The following SORBS2 variants were observed in gnomAD, a reference collection of about 807,000 sequenced individuals.
The protein encoded by SORBS2 is sorbin and SH3 domain-containing protein 2.
Under a neutral mutation model 97.7 loss-of-function variants are expected in SORBS2, and 46 were observed. The observed-to-expected ratio is 0.47, with a 90% CI of 0.37 to 0.60. The LOEUF (loss-of-function observed/expected upper bound fraction) is 0.60, where lower values mean the gene tolerates loss of function less well. Among genes scored for constraint, SORBS2 ranks in the 20% least tolerant of loss-of-function variants. SORBS2 has a pLI of 0.00. For synonymous variants in SORBS2, 476 were observed against 473.4 expected (o/e 1.01, Z -0.07); for missense variants, 1,316 against 1,282.3 (o/e 1.03, Z -0.40).
chr4:185,755,551 G>A (rs2098825651), intron 2 of SORBS2, among the ~76,000 whole-genome samples: 1 of 152,174 alleles, frequency 6.6e-6, no homozygotes, highest in Admixed American at 6.5e-5. Context: ...ATCAGATCCT[G>A]AATCCTGCCA....
chr4:185,732,031 C>T (rs77983688), intron 2 of SORBS2, among the ~76,000 whole-genome samples: 3,325 of 151,606 alleles, frequency 0.022, 127 homozygotes, highest in African/African-American at 0.077. Context: ...GATGTCTGTG[C>T]TCCAATATCT....
chr4:185,698,358 C>T lies in SORBS2; in HGVS notation c.-197-19536G>A, dbSNP rs573294680. ...GGGCATGGTGGCACATGCCTGTAGT[C>T]CCAGCTACGTGGGAGGCTGAGGCAG... On this transcript the variant is annotated intron_variant, in intron 2 of 20. Coordinates refer to the SORBS2 transcript ENST00000284776. 5.3e-5 allele frequency among the ~76,000 whole-genome samples: 8 copies of T among 152,228 alleles called. No homozygotes were observed. The South Asian group carries it at 1.7e-3, about 32-fold the overall frequency.
chr4:185,733,848 C>T (rs2098663351), intron 2 of SORBS2: 2 of 152,174 alleles, frequency 1.3e-5, no homozygotes, highest in African/African-American at 4.8e-5. Context: ...TTCCCCTGCC[C>T]TCTTGCAAAT....
At chr4:185,904,688 G>A (rs373577266) in intron 1 of SORBS2, among the ~76,000 whole-genome samples, 63 of 152,318 alleles carry the variant, frequency 4.1e-4, no homozygotes, top group African/African-American at 1.4e-3. Context: ...TGTGGTATTT[G>A]ATATTTCAAG....
At chr4:185,894,009 G>A (rs1345766746) in intron 1 of SORBS2, among the ~76,000 whole-genome samples, 1 of 152,130 alleles carries the variant, frequency 6.6e-6, no homozygotes, top group Non-Finnish European at 1.5e-5. Context: ...CCCGAATGCA[G>A]ATTTTCCCTA....
chr4:185,861,519 G>A (rs1049883561), intron 1 of SORBS2, among the ~76,000 whole-genome samples: 4 of 152,094 alleles, frequency 2.6e-5, no homozygotes, highest in African/African-American at 9.7e-5. Context: ...CTAACAGAGT[G>A]CTTTAGAGGT....
chr4:185,908,318 T>C (rs977850919), intron 1 of SORBS2, among the ~76,000 whole-genome samples: 5 of 128,078 alleles, frequency 3.9e-5, no homozygotes, highest in African/African-American at 8.5e-5. Context: ...TATATATATA[T>C]ATATTTGTAT....
intron 2 of SORBS2, 145 bp from the exon 6 acceptor site, chr4:185,678,967 G>T: frequency 2.3e-6 from 1 of 439,862 alleles, no homozygotes; most frequent in Non-Finnish European, 4.0e-6. Flanking sequence ...CATGCCAAAG[G>T]GAGGCTTGTA....
At chr4:185,834,598 T>A (rs2099206971) in intron 1 of SORBS2, among the ~76,000 whole-genome samples, 1 of 152,168 alleles carries the variant, frequency 6.6e-6, no homozygotes, top group African/African-American at 2.4e-5. Flanking sequence ...AGCAACTAGA[T>A]CATGAAATGA....
At chr4:185,742,445 C>T (rs1420183554) in intron 2 of SORBS2, among the ~76,000 whole-genome samples, 1 of 152,158 alleles carries the variant, frequency 6.6e-6, no homozygotes, top group Non-Finnish European at 1.5e-5. Context: ...TTTGTTCATT[C>T]CTTCAGTAAA....
intron 2 of SORBS2, among the ~76,000 whole-genome samples, chr4:185,651,082 A>G (rs2097305674): frequency 6.6e-6 from 1 of 152,148 alleles, no homozygotes; most frequent in Admixed American, 6.5e-5. Flanking sequence ...AAGAAAAAAA[A>G]TAGTTGTGCA....
At chr4:185,779,828 G>T (rs1398115720) in intron 1 of SORBS2, among the ~76,000 whole-genome samples, 1 of 152,004 alleles carries the variant, frequency 6.6e-6, no homozygotes, top group East Asian at 1.9e-4. Flanking sequence ...AGTGCTTAGG[G>T]CGAGGCAGCA....
intron 1 of SORBS2, among the ~76,000 whole-genome samples, chr4:185,826,655 G>A (rs1004827174): frequency 6.6e-6 from 1 of 151,950 alleles, no homozygotes; most frequent in Non-Finnish European, 1.5e-5. Flanking sequence ...GGGTCAGTAG[G>A]AAAAAAATGG....
intron 4 of SORBS2, chr4:185,677,135 TATCTGAATGGAAAGAGATG>T: frequency 1.3e-6 from 2 of 1,551,696 alleles, no homozygotes; most frequent in South Asian, 2.4e-5. Flanking sequence ...AAAGGGGAGC[TATCTGAATGGAAAGAGATG>T]CTGTGTGTGT....
chr4:185,814,243 G>T (rs2099191889), intron 1 of SORBS2, among the ~76,000 whole-genome samples: 1 of 151,852 alleles, frequency 6.6e-6, no homozygotes, highest in African/African-American at 2.4e-5. Flanking sequence ...GGTTGGCAAG[G>T]CATAAGAATC....
intron 1 of SORBS2, among the ~76,000 whole-genome samples, chr4:185,937,656 G>T (rs1049372134): frequency 6.6e-6 from 1 of 152,112 alleles, no homozygotes; most frequent in Non-Finnish European, 1.5e-5. Flanking sequence ...CTCCTGATTC[G>T]AAAGCTCACC....
At chr4:185,612,013 CAGAGAT>C in intron 11 of SORBS2, 33 bp from the exon 24 acceptor site, 1 of 1,300,052 alleles carries the variant, frequency 7.7e-7, no homozygotes, top group Non-Finnish European at 1.1e-6. Flanking sequence ...GCATTAGAAA[CAGAGAT>C]AGAATAACAT....
intron 1 of SORBS2, among the ~76,000 whole-genome samples, chr4:185,934,998 G>A (rs767331927): frequency 6.6e-6 from 1 of 152,100 alleles, no homozygotes; most frequent in Non-Finnish European, 1.5e-5. Context: ...AGGTGTTTTG[G>A]ATAGTACCTT....
In SORBS2 at chr4:185,623,037, C is replaced by T. The variant is rs763690203; in HGVS notation, c.2092G>A (p.Gly698Ser). 4.3e-6 allele frequency: 7 copies of T among 1,614,156 alleles called. No homozygotes were observed. The East Asian group carries it at 1.6e-4, about 36-fold the overall frequency. The change falls in exon 7 of 15, where the codon GGT becomes AGT. Residue 698 changes from glycine (G) to serine (S), a missense_variant. By Grantham distance (56) the Gly-to-Ser change is moderately conservative. Transcript: ENST00000418609. The surrounding 1 kb of genome is among the most constrained non-coding windows in gnomAD (Gnocchi z 6.4). ...TGGTAGGGTGGACAATGAATAGCACCATCGGGAGGCAGTGGGTGGAGAGGC... is the reference window on the plus strand; with the variant it reads ...TGGTAGGGTGGACAATGAATAGCACTATCGGGAGGCAGTGGGTGGAGAGGC...
Sources: gnomAD v4.1 joint callset for allele counts (sites outside exome capture counted in the v4.1 genomes callset) on GRCh38, gnomAD v4.1.1 for gene constraint, Gnocchi (gnomAD v3.1) non-coding constraint, MANE v1.5 for transcripts, NCBI Gene and HGNC (gene_info 2026-07-23, HGNC 2026-07-21) for gene names.